The following UMAD1 variants were observed in gnomAD, a reference collection of about 807,000 sequenced individuals.
The protein encoded by UMAD1 is UBAP1-MVB12-associated (UMA)-domain containing protein 1.
UMAD1 carries 8 observed loss-of-function variants against 6.1 expected under a neutral mutation model. That is an observed-to-expected ratio of 1.30 (90% CI 0.76 to 2.35). The LOEUF (loss-of-function observed/expected upper bound fraction) is 2.35, where lower values mean the gene tolerates loss of function less well. Ranked by LOEUF, UMAD1 falls within the 30% of genes most tolerant of loss-of-function variation. The probability of loss-of-function intolerance (pLI) is 0.00; values close to 1 mark genes in which losing one functional copy is unlikely to be tolerated. For missense variants in UMAD1, 130 were observed against 78.4 expected, an observed-to-expected ratio of 1.66 and a Z score of -2.49; for synonymous variants, 56 against 31.4, an observed-to-expected ratio of 1.78 and a Z score of -2.61.
intron 1 of UMAD1, among the ~76,000 whole-genome samples, chr7:7,644,287 G>A (rs190875703): frequency 6.7e-6 from 1 of 148,834 alleles, no homozygotes; most frequent in East Asian, 1.9e-4. Flanking sequence ...TTATTAGTGA[G>A]ATATTGTAAT....
chr7:7,658,048 C>G (rs1291787703), intron 1 of UMAD1, among the ~76,000 whole-genome samples: 3 of 152,042 alleles, frequency 2.0e-5, no homozygotes, highest in Admixed American at 6.5e-5. Context: ...AGTTGGATTC[C>G]TAGGTATTTT....
intron 2 of UMAD1, among the ~76,000 whole-genome samples, chr7:7,676,432 C>T (rs978198040): frequency 2.0e-5 from 3 of 152,172 alleles, no homozygotes; most frequent in African/African-American, 7.2e-5. Flanking sequence ...TTAGCCCAGG[C>T]AATCTGACTT....
At chr7:7,699,182 A>G (rs1300868089) in intron 2 of UMAD1, among the ~76,000 whole-genome samples, 2 of 152,032 alleles carry the variant, frequency 1.3e-5, no homozygotes, top group Admixed American at 6.6e-5. Flanking sequence ...AGGGGTGCTG[A>G]GTTGACTGAT....
intron 2 of UMAD1, among the ~76,000 whole-genome samples, chr7:7,778,850 T>G (rs1387641554): frequency 6.6e-6 from 1 of 152,244 alleles, no homozygotes; most frequent in Non-Finnish European, 1.5e-5. Flanking sequence ...GAAGACATCT[T>G]AGAAATTCCA....
chr7:7,845,455 A>G (rs1783766100), intron 3 of UMAD1, among the ~76,000 whole-genome samples: 1 of 152,144 alleles, frequency 6.6e-6, no homozygotes, highest in Non-Finnish European at 1.5e-5. Flanking sequence ...ATAGCATTTT[A>G]GTATAGTAGT....
In UMAD1 at chr7:7,776,117, T is replaced by C. The variant is rs143887548; in HGVS notation, c.83-25553T>C. On this transcript the variant is annotated intron_variant, in intron 2 of 3. Transcript: ENST00000682710. ...TGCACACTGAAAAGGGTGAGTTTTA[T>C]AGTATGTAAATTATCCCTCAATAAA... Among the ~76,000 whole-genome samples the C allele has an allele frequency of 3.0e-3, 454 of 152,270 alleles. 4 individuals are homozygous for C. Among genetic ancestry groups the C allele is most frequent in the African/African-American group, 0.01 (431 of 41,540 alleles).
At chr7:7,867,779 T>C (rs913953363) in intron 3 of UMAD1, among the ~76,000 whole-genome samples, 1 of 152,110 alleles carries the variant, frequency 6.6e-6, no homozygotes, top group African/African-American at 2.4e-5. Context: ...ATAGGCAATA[T>C]AGAGTTGAGT....
intron 1 of UMAD1, among the ~76,000 whole-genome samples, chr7:7,672,709 A>C (rs985982780): frequency 6.6e-6 from 1 of 152,122 alleles, no homozygotes; most frequent in African/African-American, 2.4e-5. Context: ...AAGTTTCCTG[A>C]GGCCTCCCCA....
At chr7:7,687,141 A>G (rs550700466) in intron 2 of UMAD1, 1 of 152,362 alleles carries the variant, frequency 6.6e-6, no homozygotes, top group Admixed American at 6.5e-5. Flanking sequence ...CCTAAGTAAT[A>G]CAGGTACTGA....
chr7:7,771,528 G>A (rs929690392), intron 2 of UMAD1, among the ~76,000 whole-genome samples: 3 of 152,270 alleles, frequency 2.0e-5, no homozygotes, highest in Middle Eastern at 3.4e-3. Context: ...TGCCACTGAA[G>A]TTGGGGGTTC....
chr7:7,796,047 C>T (rs906737614), intron 2 of UMAD1, among the ~76,000 whole-genome samples: 2 of 151,880 alleles, frequency 1.3e-5, no homozygotes, highest in African/African-American at 4.8e-5. Context: ...CCACTTGTGG[C>T]CAAGTCCTCC....
chr7:7,648,929 T>G (rs1785158406), intron 1 of UMAD1, among the ~76,000 whole-genome samples: 1 of 150,482 alleles, frequency 6.6e-6, no homozygotes, highest in African/African-American at 2.4e-5. Context: ...GAGGCCGAGG[T>G]GGGTGGATCA....
chr7:7,798,864 GTTATC>G (rs1347493538), intron 2 of UMAD1, among the ~76,000 whole-genome samples: 1 of 152,210 alleles, frequency 6.6e-6, no homozygotes, highest in Non-Finnish European at 1.5e-5. Context: ...GGTGGGCAGA[GTTATC>G]TTACTGTGCT....
chr7:7,704,598 G>GAA (rs35661728), intron 2 of UMAD1, among the ~76,000 whole-genome samples: 25 of 93,604 alleles, frequency 2.7e-4, no homozygotes, highest in African/African-American at 7.8e-4. Context: ...TACTAAAATA[G>GAA]AAAAAAAAAA....
At chr7:7,790,627 G>C (rs1471663740) in intron 2 of UMAD1, among the ~76,000 whole-genome samples, 1 of 152,180 alleles carries the variant, frequency 6.6e-6, no homozygotes, top group Non-Finnish European at 1.5e-5. Context: ...GCTTACCTGA[G>C]TTCTTAAAGG....
At chr7:7,810,801 G>A (rs985062581) in intron 3 of UMAD1, among the ~76,000 whole-genome samples, 1 of 152,116 alleles carries the variant, frequency 6.6e-6, no homozygotes, top group Non-Finnish European at 1.5e-5. Flanking sequence ...TGAAACAGTC[G>A]GTCTGTTGAG....
At chr7:7,800,282 A>G (rs552383240) in intron 2 of UMAD1, among the ~76,000 whole-genome samples, 3 of 152,398 alleles carry the variant, frequency 2.0e-5, no homozygotes, top group Admixed American at 2.0e-4. Flanking sequence ...CCCAACAATA[A>G]TAATGTTGCA....
At chr7:7,741,342 C>T (rs904862447) in intron 2 of UMAD1, among the ~76,000 whole-genome samples, 4 of 151,664 alleles carry the variant, frequency 2.6e-5, no homozygotes, top group Non-Finnish European at 4.4e-5. Context: ...GAGGCTGAGG[C>T]GGGAGGATCA....
intron 2 of UMAD1, among the ~76,000 whole-genome samples, chr7:7,715,767 A>G (rs1780885851): frequency 6.6e-6 from 1 of 152,220 alleles, no homozygotes; most frequent in Admixed American, 6.5e-5. Flanking sequence ...AGATGTAAGA[A>G]AGAGTTTTGA....
Sources: allele counts gnomAD v4.1 joint callset (sites outside exome capture counted in the v4.1 genomes callset), GRCh38; gene constraint gnomAD v4.1.1; transcripts MANE v1.5; gene names NCBI Gene and HGNC (gene_info 2026-07-23, HGNC 2026-07-21).